The following ATG10 variants were observed in gnomAD, a reference collection of about 807,000 sequenced individuals.
ATG10 encodes ubiquitin-like-conjugating enzyme ATG10.
Under a neutral mutation model 32.1 loss-of-function variants are expected in ATG10, and 30 were observed. The ratio of observed to expected loss-of-function variants is 0.94; its 90% CI spans 0.70 to 1.27. The LOEUF (loss-of-function observed/expected upper bound fraction) is 1.27. Ranked by LOEUF, ATG10 falls within the 50% of genes most tolerant of loss-of-function variation. ATG10 has a pLI of 0.00. For missense variants in ATG10, 233 were observed against 262.3 expected (o/e 0.89, Z 0.77); for synonymous variants, 87 against 91.5 (o/e 0.95, Z 0.28).
chr5:82,095,168 T>C (rs1013277370), intron 3 of ATG10, among the ~76,000 whole-genome samples: 7 of 152,130 alleles, frequency 4.6e-5, no homozygotes, highest in Admixed American at 3.3e-4. Flanking sequence ...AGAAACTAGA[T>C]TATAAAATGG....
At chr5:82,231,790 A>G (rs889051758) in intron 5 of ATG10, among the ~76,000 whole-genome samples, 4 of 152,182 alleles carry the variant, frequency 2.6e-5, no homozygotes. Flanking sequence ...AGGAATCCTT[A>G]TATTTTCAAA....
At chr5:82,041,827 C>T (rs964062090) in intron 2 of ATG10, among the ~76,000 whole-genome samples, 3 of 151,588 alleles carry the variant, frequency 2.0e-5, no homozygotes, top group Non-Finnish European at 4.4e-5. Context: ...TGTTTCATTT[C>T]GGATAGTTTC....
chr5:81,990,960 C>T (rs540371726), intron 2 of ATG10, among the ~76,000 whole-genome samples: 2 of 152,324 alleles, frequency 1.3e-5, no homozygotes, highest in East Asian at 1.9e-4. Context: ...GAGGACCAAA[C>T]GAAACATGTC....
intron 3 of ATG10, among the ~76,000 whole-genome samples, chr5:82,133,482 C>G (rs944708303): frequency 6.6e-6 from 1 of 152,070 alleles, no homozygotes; most frequent in Non-Finnish European, 1.5e-5. Context: ...AATAGGGAAT[C>G]TTTTCCCTAT....
intron 1 of ATG10, among the ~76,000 whole-genome samples, chr5:81,984,991 A>C (rs1761212422): frequency 6.6e-6 from 1 of 152,232 alleles, no homozygotes; most frequent in South Asian, 2.1e-4. Flanking sequence ...CCTAGTCCTT[A>C]GATAATTTTA....
At chr5:82,028,836 C>T (rs1762665256) in intron 2 of ATG10, among the ~76,000 whole-genome samples, 1 of 152,036 alleles carries the variant, frequency 6.6e-6, no homozygotes, top group Admixed American at 6.6e-5. Context: ...TAGAAAATCA[C>T]CAGGACCTTT....
At chr5:82,053,666 T>C (rs966058428) in intron 2 of ATG10, among the ~76,000 whole-genome samples, 1 of 152,198 alleles carries the variant, frequency 6.6e-6, no homozygotes, top group African/African-American at 2.4e-5. Context: ...AGTATTCTCT[T>C]TATAATGAAA....
At chr5:82,067,069 C>G (rs1469530434) in intron 3 of ATG10, among the ~76,000 whole-genome samples, 2 of 152,066 alleles carry the variant, frequency 1.3e-5, no homozygotes, top group East Asian at 1.9e-4. Flanking sequence ...ATGAATGAAT[C>G]TAATGCTGAC....
chr5:81,993,340 T>C (rs150025848), intron 2 of ATG10, among the ~76,000 whole-genome samples: 456 of 42,482 alleles, frequency 0.011, 1 homozygote, highest in African/African-American at 0.037. Flanking sequence ...TCCTTCCTTC[T>C]TTCTTTCTTT....
intron 1 of ATG10, among the ~76,000 whole-genome samples, chr5:81,979,063 C>T (rs1760953990): frequency 6.6e-6 from 1 of 152,062 alleles, no homozygotes; most frequent in Non-Finnish European, 1.5e-5. Context: ...CTGCACCTGG[C>T]TAATTTTTGT....
intron 3 of ATG10, among the ~76,000 whole-genome samples, chr5:82,162,582 A>T (rs1268106046): frequency 6.6e-6 from 1 of 152,166 alleles, no homozygotes; most frequent in African/African-American, 2.4e-5. Flanking sequence ...GCAAGGGTAT[A>T]TGTGCTGTGA....
At chr5:82,007,894 C>CAAG (rs1255481735) in intron 2 of ATG10, among the ~76,000 whole-genome samples, 1 of 151,938 alleles carries the variant, frequency 6.6e-6, no homozygotes, top group Non-Finnish European at 1.5e-5. Context: ...ATTAAGTATC[C>CAAG]ACTTAAAATT....
intron 3 of ATG10, among the ~76,000 whole-genome samples, chr5:82,100,088 A>G (rs750195223): frequency 3.3e-5 from 4 of 119,678 alleles, no homozygotes; most frequent in Non-Finnish European, 4.8e-5. Context: ...GGCTTACTGT[A>G]ACCTCTGCCT....
intron 1 of ATG10, among the ~76,000 whole-genome samples, chr5:81,982,942 C>A (rs996915201): frequency 6.6e-6 from 1 of 152,216 alleles, no homozygotes; most frequent in African/African-American, 2.4e-5. Context: ...AAAAGTCTCC[C>A]ATGTCTACCT....
intron 3 of ATG10, among the ~76,000 whole-genome samples, chr5:82,139,782 C>T (rs1223434400): frequency 1.5e-5 from 2 of 136,642 alleles, no homozygotes; most frequent in African/African-American, 2.7e-5. Context: ...CCCGGCCGCC[C>T]CTACTGGGAA....
intron 3 of ATG10, among the ~76,000 whole-genome samples, chr5:82,085,613 A>G (rs1314081609): frequency 1.3e-5 from 2 of 152,004 alleles, no homozygotes; most frequent in African/African-American, 2.4e-5. Flanking sequence ...CCTTGTGTCC[A>G]TGTACCCTAG....
chr5:82,174,480 T>C (rs912216044), intron 4 of ATG10, among the ~76,000 whole-genome samples: 5 of 152,216 alleles, frequency 3.3e-5, no homozygotes, highest in African/African-American at 7.2e-5. Context: ...AGTTGGAAGA[T>C]GGTTACTTAT....
At chr5:82,163,840 A>G (rs1003011130) in intron 3 of ATG10, among the ~76,000 whole-genome samples, 5 of 152,206 alleles carry the variant, frequency 3.3e-5, no homozygotes, top group Non-Finnish European at 5.9e-5. Flanking sequence ...AAATATACCA[A>G]AGATAGCACA....
intron 2 of ATG10, among the ~76,000 whole-genome samples, chr5:81,997,995 A>G (rs1761719033): frequency 1.3e-5 from 2 of 152,222 alleles, no homozygotes; most frequent in Admixed American, 6.5e-5. Flanking sequence ...AATTTCTCCA[A>G]CCTTGCTGGA....
Sources: gnomAD v4.1 joint callset for allele counts (sites outside exome capture counted in the v4.1 genomes callset) on GRCh38, gnomAD v4.1.1 for gene constraint, MANE v1.5 for transcripts, NCBI Gene and HGNC (gene_info 2026-07-23, HGNC 2026-07-21) for gene names.